The following CROCC2 variants were observed in gnomAD, a reference collection of about 807,000 sequenced individuals.
CROCC2 encodes the protein ciliary rootlet coiled-coil protein 2.
In CROCC2, 163 loss-of-function variants were observed where a neutral mutation model predicts 177.6. The ratio of observed to expected loss-of-function variants is 0.92; its 90% CI spans 0.81 to 1.05. The LOEUF is 1.05. Ranked by LOEUF, CROCC2 falls within the 50% of genes least tolerant of loss-of-function variation. The probability of loss-of-function intolerance (pLI) is 0.00; values close to 1 mark genes in which losing one functional copy is unlikely to be tolerated. For synonymous variants in CROCC2, 904 were observed against 787.3 expected, an observed-to-expected ratio of 1.15 and a Z score of -2.48; for missense variants, 1,929 against 1,797.8, an observed-to-expected ratio of 1.07 and a Z score of -1.32.
rs1168644394 is a variant in CROCC2 at position 240,935,000 on chromosome 2, A to G, written c.1876A>G (p.Met626Val). ...GGAGCAAAGGGACTCCCTGGCCGCA[A>G]TGGCCGCCTTGATGGAGGGGTTGGC... ...GVEQRDSLAA[M>V]AALMEGLAQD... Residue 626 changes from methionine (M) to valine (V), a missense_variant, in exon 13 of 32, where the codon ATG becomes GTG. Met to Val is a conservative substitution (Grantham distance 21, BLOSUM62 1). This residue lies in a region of CROCC2 where 1,397 missense variants were observed against 1,239.9 expected (regional missense o/e 1.13). Transcript: ENST00000690015. 2 of 1,443,336 alleles carry G rather than the reference A, an allele frequency of 1.4e-6. No individual in the cohort carries two copies. The highest frequency in any genetic ancestry group is 9.1e-7 in the Non-Finnish European group (1 of 1,096,192). 89.4% of individuals were successfully genotyped at this position (1,443,336 alleles called of 1,614,324 possible). A position where few individuals can be genotyped will look rare whatever the true frequency, so the allele number is the denominator to read the frequency against.
chr2:240,911,533 A>C (rs13411532), intron 1 of CROCC2, among the ~76,000 whole-genome samples: 33,862 of 151,890 alleles, frequency 0.22, 3,858 homozygotes, highest in African/African-American at 0.23. Flanking sequence ...CCTGACCTCA[A>C]GCGATGTGCG....
chr2:240,941,557 C>T (rs973598970), intron 14 of CROCC2, among the ~76,000 whole-genome samples: 13 of 152,204 alleles, frequency 8.5e-5, no homozygotes, highest in African/African-American at 3.1e-4. Context: ...TTCGACAAAA[C>T]AATCAAAAAC....
At chr2:240,955,819 A>G (rs1397186649) in intron 18 of CROCC2, 40 bp from the exon 19 acceptor site, 15 of 1,437,262 alleles carry the variant, frequency 1.0e-5, no homozygotes, top group East Asian at 2.5e-5. Context: ...CTCCCCCGAG[A>G]CTCCCCAACT....
Position 240,934,323 on chromosome 2 carries a change from G to GGC in CROCC2, c.1647-7_1647-6dup. The GGC allele has an allele frequency of 6.5e-7, 1 of 1,548,260 alleles. No individual in the cohort carries two copies. Among genetic ancestry groups the GGC allele is most frequent in the East Asian group, 2.4e-5 (1 of 40,916 alleles). On this transcript the variant is annotated splice_polypyrimidine_tract_variant and splice_region_variant and intron_variant, in intron 11 of 31. Transcript: ENST00000690015. ...AGCGACCTCCCGCCCTCTGGTCTGGGGCCTCAGTCAAGGCCGCCTGCAGCA... is the reference window on the plus strand; with the variant it reads ...AGCGACCTCCCGCCCTCTGGTCTGGGGCGCCTCAGTCAAGGCCGCCTGCAGCA...
In CROCC2 at chr2:240,955,908, C is replaced by T. The variant is rs1386302806; in HGVS notation, c.2879C>T (p.Ser960Phe). The T allele has an allele frequency of 6.5e-7, 1 of 1,535,016 alleles. No individual in the cohort carries two copies. Residue 960 changes from serine to phenylalanine, a missense_variant, in exon 19 of 32, where the codon TCC becomes TTC. Ser to Phe is a radical substitution (Grantham distance 155, BLOSUM62 -2). This residue lies in a region of CROCC2 where 1,397 missense variants were observed against 1,239.9 expected (regional missense o/e 1.13). Transcript: ENST00000690015. ...TERSLLSEEL[S>F]RARRTLERVQ... ...CGGAGCCTTCTGAGTGAGGAGCTCT[C>T]CAGGGCCAGGAGGACGCTAGAGCGG...
chr2:240,966,040 C>T, intron 24 of CROCC2, 47 bp downstream of exon 24: 2 of 1,313,896 alleles, frequency 1.5e-6, no homozygotes, highest in East Asian at 3.0e-5. Flanking sequence ...CCAGCTCAGT[C>T]CCTGGCCTGG....
rs2059891337 is a variant in CROCC2, at chr2:240,993,251, A to G, written c.*170A>G. The G allele has an allele frequency of 3.6e-6, 2 of 556,838 alleles. No individual in the cohort carries two copies. The highest frequency in any genetic ancestry group is 2.7e-4 in the Middle Eastern group (1 of 3,750). 34.5% of individuals were successfully genotyped at this position (556,838 alleles called of 1,614,324 possible). ...CTTGCCCTGGCTGCTCATGGGGAAC[A>G]TTTGAAATGCATGTGGGGGCCTCCG... On this transcript the variant is annotated 3_prime_UTR_variant, in exon 32 of 32. Coordinates refer to ENST00000690015, the MANE Select transcript of CROCC2 (RefSeq NM_001351305.2).
At position 240,949,674 on chromosome 2, in the gene CROCC2, A is replaced by G. The variant is rs1434214091; in HGVS notation, c.2624A>G (p.Glu875Gly). The change falls in exon 17 of 32, where the codon GAG (glutamate) becomes GGG (glycine). Residue 875 changes from glutamate (E) to glycine (G), a missense_variant. Coordinates refer to ENST00000690015, the MANE Select transcript of CROCC2 (RefSeq NM_001351305.2). This position sits in a 1 kb window ranked among gnomAD's most constrained non-coding sequence, Gnocchi z 4.5. ...ALESQALAHREALAQLQREKE... is the reference protein window; with the variant it reads ...ALESQALAHRGALAQLQREKE... ...GAGAGCCAGGCGTTGGCCCACCGAG[A>G]GGCCCTGGCACAGCTCCAAAGGGAG... 3 of 1,548,588 alleles carry G rather than the reference A, an allele frequency of 1.9e-6. No homozygotes were observed. In the African/African-American group the frequency reaches 4.1e-5, roughly 21 times the overall value.
chr2:240,919,321 C>T (rs1054917472), intron 2 of CROCC2, among the ~76,000 whole-genome samples: 7 of 152,180 alleles, frequency 4.6e-5, no homozygotes, highest in Admixed American at 1.3e-4. Flanking sequence ...CCTGCGTCTC[C>T]GCTTCATTGG....
At position 240,972,391 on chromosome 2, in the gene CROCC2, C is replaced by T. The variant is rs184593911; in HGVS notation, c.4401+4129C>T. ...CGCTCTCCGGTGCACGGTCACGGTG[C>T]GGTCCTCCACCTCCCCAGCTGCTTG... On this transcript the variant is annotated intron_variant, in intron 27 of 31. Transcript: ENST00000690015. The surrounding 1 kb of genome is among the most constrained non-coding windows in gnomAD (Gnocchi z 7.1). Among the ~76,000 whole-genome samples the T allele has an allele frequency of 8.7e-3, 1,300 of 150,250 alleles. 14 individuals carry two copies. Among genetic ancestry groups the T allele is most frequent in the African/African-American group, 0.03 (1,241 of 40,790 alleles).
At chr2:240,963,860 G>A (rs2059659248) in intron 21 of CROCC2, 87 bp downstream of exon 21, 3 of 1,391,814 alleles carry the variant, frequency 2.2e-6, no homozygotes, top group Non-Finnish European at 2.9e-6. Context: ...AGGGGGCTAG[G>A]CAGGGGCGTC....
At chr2:240,950,004 C>T (rs926030320) in intron 17 of CROCC2, among the ~76,000 whole-genome samples, 1 of 152,182 alleles carries the variant, frequency 6.6e-6, no homozygotes, top group Non-Finnish European at 1.5e-5. Context: ...GGGCCCCACA[C>T]CCATTAGAGC....
At chr2:240,961,943 G>A (rs2059641951) in intron 20 of CROCC2, among the ~76,000 whole-genome samples, 1 of 145,498 alleles carries the variant, frequency 6.9e-6, no homozygotes, top group South Asian at 2.2e-4. Flanking sequence ...ACACATGCAT[G>A]CACACACACG....
At chr2:240,990,884 T>G (rs1234531985) in intron 30 of CROCC2, among the ~76,000 whole-genome samples, 1 of 152,030 alleles carries the variant, frequency 6.6e-6, no homozygotes, top group Non-Finnish European at 1.5e-5. Flanking sequence ...CGTGAGCCAC[T>G]GCACCCAGCC....
rs2059463903 is a variant in CROCC2 at position 240,935,569 on chromosome 2, TC to T, written c.2152del (p.Gln718ArgfsTer125). ...CTGCTGGGGCGAGAGAAGGCCCAGC[TC>T]CAGGAGCAGGTGGGCCAGGTGAGGA... ...AALLGREKAQLQEQVGQVTCQ... is the reference protein window; with the variant it reads ...AALLGREKAQXQEQVGQVTCQ... On this transcript the variant is annotated frameshift_variant, in exon 14 of 32. Coordinates refer to ENST00000690015, the MANE Select transcript of CROCC2 (RefSeq NM_001351305.2). LOFTEE classifies it high-confidence loss of function. The T allele has an allele frequency of 7.4e-7, 1 of 1,353,858 alleles. No homozygotes were observed. Among genetic ancestry groups the T allele is most frequent in the Non-Finnish European group, 9.5e-7 (1 of 1,053,292 alleles). 83.9% of individuals were successfully genotyped at this position (1,353,858 alleles called of 1,614,324 possible). A position where few individuals can be genotyped will look rare whatever the true frequency, so the allele number is the denominator to read the frequency against.
At chr2:240,948,844 C>A in intron 15 of CROCC2, 135 bp from the exon 16 acceptor site, 1 of 814,392 alleles carries the variant, frequency 1.2e-6, no homozygotes, top group Non-Finnish European at 2.0e-6. Flanking sequence ...CAGAGATGCA[C>A]CATAATTTCT....
intron 23 of CROCC2, 56 bp downstream of exon 23, chr2:240,965,574 G>A (rs1214472844): frequency 5.2e-6 from 8 of 1,549,568 alleles, no homozygotes; most frequent in East Asian, 2.4e-5. Flanking sequence ...GGAGCAGAGG[G>A]AGGAGGCCCA....
chr2:240,936,110 G>C (rs78493201), intron 14 of CROCC2, among the ~76,000 whole-genome samples: 5,140 of 152,198 alleles, frequency 0.034, 131 homozygotes, highest in Middle Eastern at 0.085. Context: ...CTCAGATTCC[G>C]CAGCCCCCGT....
chr2:240,989,567 G>A, intron 29 of CROCC2, 87 bp from the exon 30 acceptor site: 3 of 1,340,686 alleles, frequency 2.2e-6, no homozygotes, highest in South Asian at 1.5e-5. Context: ...ACAAGGACAG[G>A]TGAAACACCC....
Sources: allele counts gnomAD v4.1 joint callset (sites outside exome capture counted in the v4.1 genomes callset), GRCh38; gene constraint gnomAD v4.1.1; regional missense constraint gnomAD v4.1.1; non-coding constraint Gnocchi (gnomAD v3.1); transcripts MANE v1.5; gene names NCBI Gene and HGNC (gene_info 2026-07-23, HGNC 2026-07-21).